The following CYTH1 variants were observed in gnomAD, a reference collection of about 807,000 sequenced individuals.
CYTH1 encodes the protein cytohesin 1.
A neutral mutation model predicts 61.8 loss-of-function variants in CYTH1; 18 were observed. The observed-to-expected ratio is 0.29, with a 90% CI of 0.20 to 0.43. The LOEUF (loss-of-function observed/expected upper bound fraction) is 0.43, where lower values mean the gene tolerates loss of function less well. CYTH1 is among the 20% of genes least tolerant of loss of function. The pLI is 1.00. For synonymous variants in CYTH1, 174 were observed against 184.3 expected, an observed-to-expected ratio of 0.94 and a Z score of 0.45; for missense variants, 336 against 510.5, an observed-to-expected ratio of 0.66 and a Z score of 3.29.
chr17:78,765,574 A>G lies in CYTH1; in HGVS notation c.22+16628T>C, dbSNP rs117874464. ...TATTCAGAAGTCCAAGAGGGTTTCA[A>G]TGCCAAGCAAAACAAATGGCAAGCC... On this transcript the variant is annotated intron_variant, in intron 1 of 13. Coordinates refer to ENST00000446868, the MANE Select transcript of CYTH1 (RefSeq NM_004762.6). Among the ~76,000 whole-genome samples the G allele has an allele frequency of 7.4e-3, 1,119 of 152,242 alleles. 7 individuals are homozygous for G. Among genetic ancestry groups the G allele is most frequent in the Non-Finnish European group, 0.012 (847 of 68,012 alleles).
Position 78,698,712 on chromosome 17 carries a change from A to C in CYTH1, c.699+108T>G, listed in dbSNP as rs577141118. ...TTCACATGGTTAAACAAATTAAAAG[A>C]GGAGACCCTTGATAAATTGTATGTT... On this transcript the variant is annotated intron_variant, in intron 8 of 13. Coordinates refer to ENST00000446868, the MANE Select transcript of CYTH1 (RefSeq NM_004762.6). 82 of 1,299,870 alleles carry C rather than the reference A, an allele frequency of 6.3e-5. No homozygotes were observed. The East Asian group carries it at 2.1e-3, about 33-fold the overall frequency. 80.5% of individuals were successfully genotyped at this position (1,299,870 alleles called of 1,614,324 possible).
chr17:78,739,509 A>C (rs2093333857), intron 1 of CYTH1, among the ~76,000 whole-genome samples: 1 of 152,194 alleles, frequency 6.6e-6, no homozygotes, highest in Non-Finnish European at 1.5e-5. Flanking sequence ...GAGCAGGAAG[A>C]ACAGTGTAGG....
chr17:78,690,269 C>T (rs1384534324), intron 11 of CYTH1, among the ~76,000 whole-genome samples: 1 of 151,538 alleles, frequency 6.6e-6, no homozygotes, highest in African/African-American at 2.4e-5. Flanking sequence ...GCAGCAGCGC[C>T]TGTAGTCCCA....
At chr17:78,781,775 C>T (rs2093519187) in intron 1 of CYTH1, among the ~76,000 whole-genome samples, 1 of 152,030 alleles carries the variant, frequency 6.6e-6, no homozygotes, top group South Asian at 2.1e-4. Flanking sequence ...GCGACCTCCA[C>T]CCCTCGGCCC....
At chr17:78,756,986 TTC>T (rs1200524884) in intron 1 of CYTH1, among the ~76,000 whole-genome samples, 2 of 150,248 alleles carry the variant, frequency 1.3e-5, no homozygotes, top group Admixed American at 6.6e-5. Flanking sequence ...TTTCTTTTTT[TTC>T]TTTTTTTTTT....
Position 78,777,686 on chromosome 17 carries a change from C to T in CYTH1, c.22+4516G>A, listed in dbSNP as rs149965577. Among the ~76,000 whole-genome samples, 687 of 151,812 alleles carry T rather than the reference C, an allele frequency of 4.5e-3. 5 individuals carry two copies. Among genetic ancestry groups the T allele is most frequent in the African/African-American group, 0.015 (641 of 41,428 alleles). The stretch of plus-strand genomic sequence containing the variant: ...TAGCCAGGAAATTACAATGCATTTC[C>T]CTCCAGAAAGAATTCTAAAGCCGGG... On this transcript the variant is annotated intron_variant, in intron 1 of 13. Coordinates refer to ENST00000446868, the MANE Select transcript of CYTH1 (RefSeq NM_004762.6).
chr17:78,775,429 G>A (rs1042032626), intron 1 of CYTH1, among the ~76,000 whole-genome samples: 4 of 152,116 alleles, frequency 2.6e-5, no homozygotes, highest in East Asian at 1.9e-4. Flanking sequence ...AATGCTTCTC[G>A]AAATATGCGA....
chr17:78,746,371 C>T (rs1271621682), intron 1 of CYTH1, among the ~76,000 whole-genome samples: 2 of 152,004 alleles, frequency 1.3e-5, no homozygotes, highest in African/African-American at 2.4e-5. Flanking sequence ...TTCTCTGAAC[C>T]TCCTCTATTC....
In CYTH1 at chr17:78,700,505, G is replaced by T; in HGVS notation, c.438-62C>A. 4 of 1,230,958 alleles carry T rather than the reference G, an allele frequency of 3.2e-6. No homozygotes were observed. Among genetic ancestry groups the T allele is most frequent in the Non-Finnish European group, 4.5e-6 (4 of 882,796 alleles). The allele number at this position is 1,230,958 out of a possible 1,614,324, so 76.3% of individuals were successfully genotyped here. ...GAGGCAATTTATTTCTCTATGAATT[G>T]TTAAACTGCCAATGATTTTTTTTTT... On this transcript the variant is annotated intron_variant, in intron 6 of 13. Transcript: ENST00000446868. The surrounding 1 kb of genome is among the most constrained non-coding windows in gnomAD (Gnocchi z 5.1).
rs2092965817 is a variant in CYTH1, at chr17:78,698,197, GCACACACGCACACA to G, written c.811+58_811+71del. 4.1e-6 allele frequency: 5 copies of G among 1,233,388 alleles called. No individual in the cohort carries two copies. The African/African-American group carries it at 6.0e-5, about 15-fold the overall frequency. The allele number at this position is 1,233,388 out of a possible 1,614,324, so 76.4% of individuals were successfully genotyped here. On this transcript the variant is annotated intron_variant, in intron 9 of 13. Coordinates refer to ENST00000446868, the MANE Select transcript of CYTH1 (RefSeq NM_004762.6). ...CGCACACGCGCACACACGCACGCAC[GCACACACGCACACA>G]CACCGCCTTTCTTCCTAAGTCTCAG...
rs531007361 is a variant in CYTH1, at chr17:78,780,873, G to A, written c.22+1329C>T. 1.9e-4 allele frequency among the ~76,000 whole-genome samples: 29 copies of A among 152,218 alleles called. No homozygotes were observed. The South Asian group carries it at 5.8e-3, about 30-fold the overall frequency. ...AATACAACAATTAGACAGGCGTGGT[G>A]GCACGCGCCTGTAGTCCCAGCTACT... On this transcript the variant is annotated intron_variant, in intron 1 of 13. Coordinates refer to ENST00000446868, the MANE Select transcript of CYTH1 (RefSeq NM_004762.6).
At chr17:78,746,140 A>C (rs2093358716) in intron 1 of CYTH1, among the ~76,000 whole-genome samples, 2 of 152,222 alleles carry the variant, frequency 1.3e-5, no homozygotes, top group Non-Finnish European at 2.9e-5. Context: ...CACAATAAAT[A>C]ATAAGTAACA....
chr17:78,696,114 A>T, intron 9 of CYTH1, 105 bp from the exon 10 acceptor site: 1 of 1,333,238 alleles, frequency 7.5e-7, no homozygotes, highest in Non-Finnish European at 1.0e-6. Context: ...CCTTAATCTT[A>T]AAGTGCAATG....
intron 1 of CYTH1, among the ~76,000 whole-genome samples, chr17:78,755,684 A>G (rs908252403): frequency 1.3e-5 from 2 of 152,090 alleles, no homozygotes; most frequent in Admixed American, 6.6e-5. Flanking sequence ...GCTCGGTGGC[A>G]GCACTTTGGG....
chr17:78,701,443 A>C (rs1189882802), intron 6 of CYTH1, among the ~76,000 whole-genome samples: 1 of 152,256 alleles, frequency 6.6e-6, no homozygotes, highest in African/African-American at 2.4e-5. Context: ...ATAAGACTCA[A>C]GGAAGAGTGT....
rs144172632 is a variant in CYTH1, at chr17:78,725,031, A to AAC, written c.23-15301_23-15300dup. 6.0e-3 allele frequency among the ~76,000 whole-genome samples: 911 copies of AAC among 152,312 alleles called. 41 individuals carry two copies. The East Asian group carries it at 0.12, about 19-fold the overall frequency. Reference sequence around the variant, plus strand: ...AAATGTATATTGAGAGTCCCAGTGCAACACGTCCCTGGGCCCCTGTCTTCC... The same window carrying AAC: ...AAATGTATATTGAGAGTCCCAGTGCAACACACGTCCCTGGGCCCCTGTCTTCC... On this transcript the variant is annotated intron_variant, in intron 1 of 13. Transcript: ENST00000446868.
intron 11 of CYTH1, among the ~76,000 whole-genome samples, chr17:78,682,926 A>G (rs2092778464): frequency 6.6e-6 from 1 of 152,114 alleles, no homozygotes; most frequent in Non-Finnish European, 1.5e-5. Flanking sequence ...TAAAAAAATT[A>G]TTTTGTCAAG....
intron 1 of CYTH1, among the ~76,000 whole-genome samples, chr17:78,775,643 T>C (rs1476843317): frequency 6.6e-6 from 1 of 152,134 alleles, no homozygotes. Flanking sequence ...CAAAGGCAAA[T>C]AAAAAGTAAG....
intron 11 of CYTH1, among the ~76,000 whole-genome samples, chr17:78,688,175 A>G (rs952716311): frequency 7.2e-5 from 11 of 152,242 alleles, no homozygotes; most frequent in African/African-American, 2.7e-4. Flanking sequence ...GAAACCAGAA[A>G]GCTGTCCAGT....
Sources: allele counts gnomAD v4.1 joint callset (sites outside exome capture counted in the v4.1 genomes callset), GRCh38; gene constraint gnomAD v4.1.1; non-coding constraint Gnocchi (gnomAD v3.1); transcripts MANE v1.5; gene names NCBI Gene and HGNC (gene_info 2026-07-23, HGNC 2026-07-21).